ZEB1: variants seen among roughly 807,000 people sequenced by gnomAD.
ZEB1 encodes zinc finger E-box binding homeobox 1.
ZEB1 carries 21 observed loss-of-function variants against 84.9 expected under a neutral mutation model. That is an observed-to-expected ratio of 0.25 (90% CI 0.18 to 0.36). The LOEUF (loss-of-function observed/expected upper bound fraction) is 0.36. Ranked by LOEUF, ZEB1 falls within the 10% of genes least tolerant of loss-of-function variation. The pLI, the probability that ZEB1 is intolerant of heterozygous loss-of-function variation, is 1.00. For missense variants in ZEB1, 1,104 were observed against 1,330.2 expected, an observed-to-expected ratio of 0.83 and a Z score of 2.65; for synonymous variants, 420 against 471.1, an observed-to-expected ratio of 0.89 and a Z score of 1.41.
chr10:31,398,809 C>T (rs1382492330), intron 1 of ZEB1, among the ~76,000 whole-genome samples: 1 of 152,000 alleles, frequency 6.6e-6, no homozygotes, highest in South Asian at 2.1e-4. Context: ...TCCTACCCCT[C>T]TGGCTGCTGC....
At chr10:31,438,569 G>T (rs1377239248) in intron 1 of ZEB1, among the ~76,000 whole-genome samples, 2 of 152,146 alleles carry the variant, frequency 1.3e-5, no homozygotes, top group African/African-American at 4.8e-5. Flanking sequence ...GGGTGCAGTG[G>T]CACATACCAG....
intron 1 of ZEB1, among the ~76,000 whole-genome samples, chr10:31,339,768 A>T (rs112494127): frequency 3.2e-4 from 35 of 109,924 alleles, no homozygotes; most frequent in African/African-American, 1.9e-3. Context: ...GTCTCAAATT[A>T]AAAAAAAAAA....
chr10:31,329,501 A>G (rs1404613113), intron 1 of ZEB1, among the ~76,000 whole-genome samples: 6 of 152,154 alleles, frequency 3.9e-5, no homozygotes, highest in Admixed American at 3.3e-4. Context: ...GAACATTTAC[A>G]TAAAATTTAT....
intron 1 of ZEB1, among the ~76,000 whole-genome samples, chr10:31,395,760 T>A (rs2050602689): frequency 6.6e-6 from 1 of 152,138 alleles, no homozygotes; most frequent in South Asian, 2.1e-4. Flanking sequence ...CTGGGACTAG[T>A]TATACTTGTG....
chr10:31,451,155 T>C (rs193045531), intron 1 of ZEB1, among the ~76,000 whole-genome samples: 1 of 152,350 alleles, frequency 6.6e-6, no homozygotes, highest in Non-Finnish European at 1.5e-5. Flanking sequence ...TTCCAAGTTC[T>C]ATAATACAGT....
In ZEB1 at chr10:31,370,399, A is replaced by T. The variant is rs139896879; in HGVS notation, c.58+51107A>T. Among the ~76,000 whole-genome samples, 1,184 of 152,310 alleles carry T rather than the reference A, an allele frequency of 7.8e-3. 9 individuals carry two copies. Among genetic ancestry groups the T allele is most frequent in the African/African-American group, 0.026 (1,099 of 41,566 alleles). On this transcript the variant is annotated intron_variant, in intron 1 of 8. Transcript: ENST00000424869. ...GCCAAGTCAGGTGGATCACGAGGTC[A>T]GGAGATCGAAAAATAGATGTGATGC...
At chr10:31,383,363 T>C (rs1179885135) in intron 1 of ZEB1, among the ~76,000 whole-genome samples, 1 of 152,140 alleles carries the variant, frequency 6.6e-6, no homozygotes, top group African/African-American at 2.4e-5. Flanking sequence ...ATGGGGCTAG[T>C]GGCCACAATT....
At chr10:31,400,895 A>G (rs573580141) in intron 1 of ZEB1, among the ~76,000 whole-genome samples, 103 of 152,274 alleles carry the variant, frequency 6.8e-4, no homozygotes, top group Non-Finnish European at 1.2e-3. Flanking sequence ...ACTGATTTAA[A>G]TAGAGTCATA....
chr10:31,434,334 T>G (rs1310529548), intron 1 of ZEB1, among the ~76,000 whole-genome samples: 1 of 152,186 alleles, frequency 6.6e-6, no homozygotes, highest in Admixed American at 6.5e-5. Context: ...TTATAGAAAG[T>G]TAACTGGAAT....
At position 31,402,740 on chromosome 10, in the gene ZEB1, T is replaced by C. The variant is rs563577604; in HGVS notation, c.59-58297T>C. 9.4e-4 allele frequency among the ~76,000 whole-genome samples: 143 copies of C among 152,196 alleles called. 1 individual carries two copies. Among genetic ancestry groups the C allele is most frequent in the African/African-American group, 3.3e-3 (138 of 41,540 alleles). On this transcript the variant is annotated intron_variant, in intron 1 of 8. Coordinates refer to ENST00000424869, the MANE Select transcript of ZEB1 (RefSeq NM_001174096.2). ...TTATAATGAAACAAGGATAAAGTGC[T>C]CAGTCTTGAGTCTGTTGGAGATTAA...
At chr10:31,337,173 CA>C (rs2038277910) in intron 1 of ZEB1, among the ~76,000 whole-genome samples, 1 of 151,994 alleles carries the variant, frequency 6.6e-6, no homozygotes, top group Non-Finnish European at 1.5e-5. Context: ...AATGTTCGAA[CA>C]AAACAAATCA....
intron 1 of ZEB1, among the ~76,000 whole-genome samples, chr10:31,400,320 C>T (rs547283142): frequency 6.6e-6 from 1 of 152,176 alleles, no homozygotes; most frequent in African/African-American, 2.4e-5. Flanking sequence ...AAAATTTTAA[C>T]ATAGTTCAGG....
chr10:31,405,257 G>C (rs1033735064), intron 1 of ZEB1, among the ~76,000 whole-genome samples: 7 of 152,126 alleles, frequency 4.6e-5, no homozygotes, highest in African/African-American at 1.7e-4. Flanking sequence ...CCAAGTATTG[G>C]AGAGGGGAAA....
intron 1 of ZEB1, among the ~76,000 whole-genome samples, chr10:31,328,285 T>C (rs565107123): frequency 2.0e-5 from 3 of 152,320 alleles, no homozygotes; most frequent in East Asian, 3.9e-4. Flanking sequence ...TCCTGTAACT[T>C]ACTACCTATC....
At chr10:31,363,499 G>A in intron 1 of ZEB1, 1 of 1,530,560 alleles carries the variant, frequency 6.5e-7, no homozygotes, top group Non-Finnish European at 8.7e-7. Flanking sequence ...GGTGGAGGCT[G>A]CTTCCCCATT....
intron 2 of ZEB1, among the ~76,000 whole-genome samples, chr10:31,490,937 T>C (rs188574881): frequency 2.0e-5 from 3 of 151,926 alleles, no homozygotes; most frequent in African/African-American, 2.4e-5. Flanking sequence ...TGGTTCACTT[T>C]TCAAAGCCTT....
intron 1 of ZEB1, among the ~76,000 whole-genome samples, chr10:31,446,175 C>G (rs886708958): frequency 9.9e-5 from 15 of 152,182 alleles, no homozygotes; most frequent in African/African-American, 3.4e-4. Flanking sequence ...ATGTATCCAT[C>G]TCTCCTAGAT....
At chr10:31,435,054 G>A (rs941216889) in intron 1 of ZEB1, among the ~76,000 whole-genome samples, 1 of 152,174 alleles carries the variant, frequency 6.6e-6, no homozygotes, top group African/African-American at 2.4e-5. Context: ...TTATTAAGTA[G>A]CAAAGGAATA....
At position 31,347,305 on chromosome 10, in the gene ZEB1, A is replaced by G. The variant is rs1440015215; in HGVS notation, c.58+28013A>G. Among the ~76,000 whole-genome samples, 4 of 152,326 alleles carry G rather than the reference A, an allele frequency of 2.6e-5. 1 individual carries two copies. The highest frequency in any genetic ancestry group is 2.0e-4 in the Admixed American group (3 of 15,302). On this transcript the variant is annotated intron_variant, in intron 1 of 8. Coordinates refer to ENST00000424869, the MANE Select transcript of ZEB1 (RefSeq NM_001174096.2). ...TTGCCTCTGTCAGTCTTAATGTGAT[A>G]GACTCTCACTCAGTGAAGATCTATG... is the stretch of plus-strand genomic sequence containing the variant.
Sources: allele counts gnomAD v4.1 joint callset (sites outside exome capture counted in the v4.1 genomes callset), GRCh38; gene constraint gnomAD v4.1.1; transcripts MANE v1.5; gene names NCBI Gene and HGNC (gene_info 2026-07-23, HGNC 2026-07-21).